Variants in SCFD2 observed in about 807,000 individuals in gnomAD.
SCFD2 encodes sec1 family domain-containing protein 2.
In SCFD2, 54 loss-of-function variants were observed where a neutral mutation model predicts 58.9. The ratio of observed to expected loss-of-function variants is 0.92; its 90% confidence interval spans 0.74 to 1.15. The LOEUF is 1.15. SCFD2 is among the 50% of genes most tolerant of loss of function. SCFD2 has a pLI of 0.00. For synonymous variants in SCFD2, 321 were observed against 335.9 expected (o/e 0.96, Z 0.49); for missense variants, 805 against 836.6 (o/e 0.96, Z 0.47).
chr4:53,335,348 G>C (rs1462900170), intron 2 of SCFD2, among the ~76,000 whole-genome samples: 1 of 152,040 alleles, frequency 6.6e-6, no homozygotes, highest in Non-Finnish European at 1.5e-5. Flanking sequence ...AAAATTACTG[G>C]TCTGTATTCT....
chr4:53,348,191 C>G (rs1482569636), intron 2 of SCFD2, among the ~76,000 whole-genome samples: 4 of 152,160 alleles, frequency 2.6e-5, no homozygotes, highest in South Asian at 2.1e-4. Flanking sequence ...TTATAAACAG[C>G]CTTTTATAAA....
intron 5 of SCFD2, among the ~76,000 whole-genome samples, chr4:53,079,016 G>A (rs1489821342): frequency 6.6e-6 from 1 of 152,082 alleles, no homozygotes; most frequent in Admixed American, 6.6e-5. Context: ...GAACCAAGAG[G>A]AGATCTATTA....
At chr4:53,061,668 G>A (rs73250928) in intron 5 of SCFD2, among the ~76,000 whole-genome samples, 12 of 152,192 alleles carry the variant, frequency 7.9e-5, no homozygotes, top group African/African-American at 2.2e-4. Flanking sequence ...CTTACTCTGC[G>A]TTATTTATTC....
intron 4 of SCFD2, among the ~76,000 whole-genome samples, chr4:53,217,448 G>A (rs1232100214): frequency 6.6e-6 from 1 of 152,140 alleles, no homozygotes; most frequent in Non-Finnish European, 1.5e-5. Context: ...TGTTTTATCA[G>A]AGATTAGGAT....
chr4:53,119,929 C>T (rs1725431914), intron 5 of SCFD2, among the ~76,000 whole-genome samples: 1 of 152,150 alleles, frequency 6.6e-6, no homozygotes, highest in Non-Finnish European at 1.5e-5. Context: ...AAAGTAATTA[C>T]TGCAGGAAGA....
chr4:53,022,613 C>T (rs1270958395), intron 5 of SCFD2, among the ~76,000 whole-genome samples: 1 of 152,158 alleles, frequency 6.6e-6, no homozygotes, highest in Non-Finnish European at 1.5e-5. Context: ...TTTTGGATCC[C>T]TGCTCTGCGT....
intron 5 of SCFD2, among the ~76,000 whole-genome samples, chr4:52,970,997 C>T (rs932882039): frequency 6.6e-6 from 1 of 152,096 alleles, no homozygotes; most frequent in Non-Finnish European, 1.5e-5. Context: ...AAAGGACATC[C>T]ACACCAAAAC....
intron 5 of SCFD2, among the ~76,000 whole-genome samples, chr4:52,958,673 A>C (rs1405098883): frequency 6.6e-6 from 1 of 152,180 alleles, no homozygotes; most frequent in African/African-American, 2.4e-5. Flanking sequence ...GTTGAGTCCC[A>C]CATCAGCCAC....
intron 4 of SCFD2, among the ~76,000 whole-genome samples, chr4:53,173,104 T>A (rs973319896): frequency 6.6e-6 from 1 of 152,218 alleles, no homozygotes; most frequent in Admixed American, 6.5e-5. Flanking sequence ...ATAATGTACT[T>A]CTTTGTCTCT....
chr4:53,298,188 T>G (rs554797811), intron 3 of SCFD2, among the ~76,000 whole-genome samples: 4 of 152,260 alleles, frequency 2.6e-5, no homozygotes, highest in African/African-American at 9.6e-5. Flanking sequence ...GGGAATTCCC[T>G]TTCCTAGTCA....
At chr4:53,276,940 A>G (rs1451935905) in intron 3 of SCFD2, among the ~76,000 whole-genome samples, 1 of 152,078 alleles carries the variant, frequency 6.6e-6, no homozygotes, top group African/African-American at 2.4e-5. Context: ...CCACCTTTTC[A>G]TGTGTGTCTT....
intron 7 of SCFD2, among the ~76,000 whole-genome samples, chr4:52,902,575 GT>G (rs1719231567): frequency 6.6e-6 from 1 of 152,222 alleles, no homozygotes; most frequent in Non-Finnish European, 1.5e-5. Context: ...GGTATTCAAG[GT>G]GGCTCTTTTC....
intron 3 of SCFD2, among the ~76,000 whole-genome samples, chr4:53,312,526 G>A (rs1732722035): frequency 1.3e-5 from 2 of 152,106 alleles, no homozygotes; most frequent in South Asian, 4.1e-4. Context: ...CTCAATAATG[G>A]TTAGTTATTT....
At chr4:53,046,201 T>A (rs190643095) in intron 5 of SCFD2, among the ~76,000 whole-genome samples, 10 of 152,312 alleles carry the variant, frequency 6.6e-5, no homozygotes, top group Admixed American at 5.9e-4. Flanking sequence ...GTGGCATAAA[T>A]TAAAATGAAT....
chr4:53,356,731 C>CTTTT lies in SCFD2; in HGVS notation c.839-3969_839-3966dup, dbSNP rs369411706. Among the ~76,000 whole-genome samples the CTTTT allele has an allele frequency of 1.9e-4, 21 of 112,902 alleles. 1 individual carries two copies. Among genetic ancestry groups the CTTTT allele is most frequent in the East Asian group, 2.5e-4 (1 of 4,076 alleles). 74.1% of individuals were successfully genotyped at this position (112,902 alleles called of 152,430 possible). A position where few individuals can be genotyped will look rare whatever the true frequency, so the allele number is the denominator to read the frequency against. ...TGAGTCACCACACCCAACTTGTAGA[C>CTTTT]TTTTTTTTTTTTTTTTTTTTGTTGA... On this transcript the variant is annotated intron_variant, in intron 1 of 8. Coordinates refer to ENST00000401642, the MANE Select transcript of SCFD2 (RefSeq NM_152540.4).
intron 8 of SCFD2, among the ~76,000 whole-genome samples, chr4:52,884,579 G>C (rs114967690): frequency 0.022 from 3,320 of 151,722 alleles, 39 homozygotes; most frequent in Middle Eastern, 0.061. Context: ...TTTTTTTTCT[G>C]AGTTCTTCAC....
intron 4 of SCFD2, among the ~76,000 whole-genome samples, chr4:53,179,595 A>T (rs532398808): frequency 8.4e-4 from 128 of 152,356 alleles, no homozygotes; most frequent in African/African-American, 3.1e-3. Flanking sequence ...GCATCAACTA[A>T]TGAGCAAAAT....
intron 5 of SCFD2, among the ~76,000 whole-genome samples, chr4:52,923,866 C>T (rs1577831098): frequency 6.6e-6 from 1 of 152,156 alleles, no homozygotes; most frequent in African/African-American, 2.4e-5. Context: ...CCAGAAGAAA[C>T]CCTGGGAGGT....
chr4:52,874,274 T>A (rs1718418163), intron 8 of SCFD2, among the ~76,000 whole-genome samples: 1 of 152,174 alleles, frequency 6.6e-6, no homozygotes, highest in African/African-American at 2.4e-5. Flanking sequence ...AGATGGCCTG[T>A]GGGACAGCCG....
Sources: gnomAD v4.1 joint callset for allele counts (sites outside exome capture counted in the v4.1 genomes callset) on GRCh38, gnomAD v4.1.1 for gene constraint, MANE v1.5 for transcripts, NCBI Gene and HGNC (gene_info 2026-07-23, HGNC 2026-07-21) for gene names.